The following SOX5 variants were observed in gnomAD, a reference collection of about 807,000 sequenced individuals.
SOX5 encodes transcription factor SOX-5.
A neutral mutation model predicts 92.0 loss-of-function variants in SOX5; 9 were observed. The ratio of observed to expected loss-of-function variants is 0.10; its 90% CI spans 0.06 to 0.17. The LOEUF is 0.17. Ranked by LOEUF, SOX5 falls within the 10% of genes least tolerant of loss-of-function variation. The pLI is 1.00. For synonymous variants in SOX5, 344 were observed against 336.3 expected (o/e 1.02, Z -0.25); for missense variants, 642 against 944.5 (o/e 0.68, Z 4.20).
intron 1 of SOX5, among the ~76,000 whole-genome samples, chr12:24,531,320 C>T (rs946726235): frequency 6.6e-6 from 1 of 151,974 alleles, no homozygotes; most frequent in African/African-American, 2.4e-5. Flanking sequence ...TTATTTTTTC[C>T]ATTTGGACAA....
chr12:23,893,936 A>T (rs2097153487), intron 2 of SOX5, among the ~76,000 whole-genome samples: 1 of 152,186 alleles, frequency 6.6e-6, no homozygotes, highest in South Asian at 2.1e-4. Flanking sequence ...GAAATAGATA[A>T]TCAGAATATG....
At position 24,195,133 on chromosome 12, in the gene SOX5, GTTT is replaced by G. The variant is rs1173430502; in HGVS notation, c.-2+18207_-2+18209del. Among the ~76,000 whole-genome samples the G allele has an allele frequency of 3.7e-5, 4 of 109,350 alleles. No individual in the cohort carries two copies. In the East Asian group the frequency reaches 1.8e-3, roughly 50 times the overall value. The allele number at this position is 109,350 out of a possible 152,430, so 71.7% of individuals were successfully genotyped here. On this transcript the variant is annotated intron_variant, in intron 4 of 4. Transcript: ENST00000446891. ...TACTAGTTGCAATCTAAAATAAATT[GTTT>G]GGGAAAAAAAAAAAACACGAGAAAA...
At chr12:23,580,799 C>T (rs1341309312) in intron 9 of SOX5, among the ~76,000 whole-genome samples, 1 of 151,960 alleles carries the variant, frequency 6.6e-6, no homozygotes, top group South Asian at 2.1e-4. Context: ...GTAGTAGAAA[C>T]ACTATAGAGG....
At chr12:23,778,677 G>T (rs1380863769) in intron 3 of SOX5, among the ~76,000 whole-genome samples, 1 of 152,184 alleles carries the variant, frequency 6.6e-6, no homozygotes, top group African/African-American at 2.4e-5. Context: ...AGGAAGGGCT[G>T]GGAGAGCCAA....
intron 4 of SOX5, among the ~76,000 whole-genome samples, chr12:24,055,472 C>T (rs1281729085): frequency 6.6e-6 from 1 of 152,194 alleles, no homozygotes; most frequent in African/African-American, 2.4e-5. Flanking sequence ...TTTGTCACAA[C>T]GAAGTTTCAA....
chr12:24,326,586 C>T (rs1201029953), intron 2 of SOX5, among the ~76,000 whole-genome samples: 1 of 152,132 alleles, frequency 6.6e-6, no homozygotes, highest in African/African-American at 2.4e-5. Flanking sequence ...CTTACAATAT[C>T]CAGCATGTTC....
rs2097216975 is a variant in SOX5, at chr12:23,900,240, T to A, written c.39-4216A>T. Among the ~76,000 whole-genome samples the A allele has an allele frequency of 2.6e-5, 4 of 152,218 alleles. 1 individual carries two copies. In the South Asian group the frequency reaches 8.3e-4, roughly 31 times the overall value. On this transcript the variant is annotated intron_variant, in intron 1 of 14. Transcript: ENST00000451604. Reference sequence around the variant, plus strand: ...GAACAAAATAAGAAACATGCTCACTTGTAAAAAGCAACTTGCTTTTACAGG... The same window carrying A: ...GAACAAAATAAGAAACATGCTCACTAGTAAAAAGCAACTTGCTTTTACAGG...
rs572977042 is a variant in SOX5 at position 24,084,249 on chromosome 12, T to C, written c.-2+129094A>G. On this transcript the variant is annotated intron_variant, in intron 4 of 4. Coordinates refer to the SOX5 transcript ENST00000446891. ...AAGAAGAGCAGTCCAAGGGGATAAATTCAGTTTGTGTCTAGATTCAGGAAG... is the reference window on the plus strand; with the variant it reads ...AAGAAGAGCAGTCCAAGGGGATAAACTCAGTTTGTGTCTAGATTCAGGAAG... 2.6e-5 allele frequency among the ~76,000 whole-genome samples: 4 copies of C among 152,134 alleles called. No homozygotes were observed. The East Asian group carries it at 7.7e-4, about 29-fold the overall frequency.
At chr12:24,488,114 A>G (rs1946701992) in intron 1 of SOX5, among the ~76,000 whole-genome samples, 1 of 152,184 alleles carries the variant, frequency 6.6e-6, no homozygotes, top group South Asian at 2.1e-4. Flanking sequence ...AGAGAAAAAA[A>G]TGCTGACAGT....
In SOX5 at chr12:24,068,745, TATACACAC is replaced by T. The variant is rs1380256974; in HGVS notation, c.-2+144590_-2+144597del. Among the ~76,000 whole-genome samples the T allele has an allele frequency of 6.5e-5, 5 of 76,904 alleles. No individual in the cohort carries two copies. The East Asian group carries it at 9.0e-4, about 14-fold the overall frequency. 50.5% of individuals were successfully genotyped at this position (76,904 alleles called of 152,430 possible). On this transcript the variant is annotated intron_variant, in intron 4 of 4. Coordinates refer to the SOX5 transcript ENST00000446891. ...ATATATATATATATATATATATATA[TATACACAC>T]ACACACATTAGTTCCTAGTTTATAT...
intron 4 of SOX5, among the ~76,000 whole-genome samples, chr12:24,036,852 G>A (rs1021380023): frequency 1.3e-5 from 2 of 152,104 alleles, no homozygotes; most frequent in Non-Finnish European, 2.9e-5. Flanking sequence ...ATATATAATA[G>A]GATCTGATTT....
intron 4 of SOX5, among the ~76,000 whole-genome samples, chr12:24,188,228 T>G (rs1397926348): frequency 2.0e-5 from 3 of 152,058 alleles, no homozygotes; most frequent in East Asian, 3.8e-4. Context: ...AGAGCCAGAG[T>G]TAGGTAGCAT....
rs1231519760 is a variant in SOX5 at position 23,531,910 on chromosome 12, T to C, written c.*2309A>G. On this transcript the variant is annotated 3_prime_UTR_variant, in exon 15 of 15. Coordinates refer to ENST00000451604, the MANE Select transcript of SOX5 (RefSeq NM_006940.6). ...TTGTGGGTAAATGTGTGTGTGTGTG[T>C]GTATATGTGTGTATATATATGTATA... The C allele has an allele frequency of 1.3e-5, 2 of 149,308 alleles. No homozygotes were observed. The highest frequency in any genetic ancestry group is 4.9e-5 in the African/African-American group (2 of 40,870). 9.2% of individuals were successfully genotyped at this position (149,308 alleles called of 1,614,324 possible).
chr12:24,462,663 A>G (rs965344739), intron 1 of SOX5, among the ~76,000 whole-genome samples: 15 of 152,226 alleles, frequency 9.9e-5, no homozygotes, highest in South Asian at 2.1e-4. Flanking sequence ...AATGACGTAA[A>G]TGAACACCCT....
At chr12:23,841,102 T>C (rs1253521357) in intron 3 of SOX5, among the ~76,000 whole-genome samples, 3 of 151,996 alleles carry the variant, frequency 2.0e-5, no homozygotes, top group South Asian at 4.1e-4. Context: ...AGAAGTTGTA[T>C]ACAAAATATA....
At chr12:23,653,036 A>G (rs1421984756) in intron 7 of SOX5, among the ~76,000 whole-genome samples, 1 of 143,874 alleles carries the variant, frequency 7.0e-6, no homozygotes, top group African/African-American at 2.5e-5. Context: ...AGATAGATGG[A>G]TGGATGGATG....
chr12:23,953,130 G>T (rs1318488331), upstream of SOX5, among the ~76,000 whole-genome samples: 4 of 151,990 alleles, frequency 2.6e-5, no homozygotes, highest in African/African-American at 9.7e-5. Context: ...TCTTTCATTT[G>T]AATCCTATAT....
intron 1 of SOX5, among the ~76,000 whole-genome samples, chr12:24,496,243 A>G (rs1947627051): frequency 6.6e-6 from 1 of 152,180 alleles, no homozygotes; most frequent in African/African-American, 2.4e-5. Flanking sequence ...AAACATCAAG[A>G]GGTTACTTAG....
At chr12:24,031,197 A>T (rs1030071889) in intron 4 of SOX5, among the ~76,000 whole-genome samples, 11 of 76,668 alleles carry the variant, frequency 1.4e-4, no homozygotes, top group Non-Finnish European at 2.5e-4. Flanking sequence ...TCCTGCTACT[A>T]GTTATATATA....
Sources: gnomAD v4.1 joint callset for allele counts (sites outside exome capture counted in the v4.1 genomes callset) on GRCh38, gnomAD v4.1.1 for gene constraint, MANE v1.5 for transcripts, NCBI Gene and HGNC (gene_info 2026-07-23, HGNC 2026-07-21) for gene names.